The following MARCHF11 variants were observed in gnomAD, a reference collection of about 807,000 sequenced individuals.
MARCHF11 encodes membrane associated ring-CH-type finger 11.
MARCHF11 carries 29 observed loss-of-function variants against 37.3 expected under a neutral mutation model. The observed-to-expected ratio is 0.78, with a 90% CI of 0.58 to 1.06. The LOEUF is 1.06. MARCHF11 is among the 50% of genes least tolerant of loss of function. The pLI is 0.00. For synonymous variants in MARCHF11, 233 were observed against 228.0 expected (o/e 1.02, Z -0.20); for missense variants, 482 against 533.4 (o/e 0.90, Z 0.95).
At chr5:16,169,922 C>G (rs1027311082) in intron 2 of MARCHF11, among the ~76,000 whole-genome samples, 3 of 152,094 alleles carry the variant, frequency 2.0e-5, no homozygotes, top group Admixed American at 2.0e-4. Context: ...TTCCTTTATA[C>G]CAATCCCTTT....
chr5:16,132,069 G>A (rs1302541386), intron 2 of MARCHF11, among the ~76,000 whole-genome samples: 1 of 152,238 alleles, frequency 6.6e-6, no homozygotes, highest in Admixed American at 6.5e-5. Context: ...CATGGCAAGG[G>A]CTCAGAGCAT....
chr5:16,129,510 A>G (rs1458943546), intron 2 of MARCHF11, among the ~76,000 whole-genome samples: 2 of 152,214 alleles, frequency 1.3e-5, no homozygotes, highest in East Asian at 1.9e-4. Flanking sequence ...ATTGTTTTAT[A>G]TTGAATTAGC....
Position 16,176,181 on chromosome 5 carries a change from C to T in MARCHF11, c.693+1545G>A, listed in dbSNP as rs533107749. ...CTCTATTTACTTCAAAATTAATCAT[C>T]CTAAATGAATTAACATATAGTTGCC... On this transcript the variant is annotated intron_variant, in intron 2 of 3. Coordinates refer to ENST00000332432, the MANE Select transcript of MARCHF11 (RefSeq NM_001102562.3). 4.0e-5 allele frequency among the ~76,000 whole-genome samples: 6 copies of T among 151,730 alleles called. No homozygotes were observed. In the South Asian group the frequency reaches 1.3e-3, roughly 32 times the overall value.
chr5:16,116,831 G>A (rs1302896501), intron 2 of MARCHF11, among the ~76,000 whole-genome samples: 2 of 152,180 alleles, frequency 1.3e-5, no homozygotes, highest in African/African-American at 4.8e-5. Context: ...AATAGAAGTT[G>A]CTTTCTCTGA....
At chr5:16,080,296 T>C (rs1736585945) in intron 3 of MARCHF11, among the ~76,000 whole-genome samples, 1 of 152,014 alleles carries the variant, frequency 6.6e-6, no homozygotes, top group Non-Finnish European at 1.5e-5. Flanking sequence ...CTCCTAGAAG[T>C]TCCCTCCTCC....
chr5:16,158,549 A>T (rs1406591683), intron 2 of MARCHF11, among the ~76,000 whole-genome samples: 3 of 151,970 alleles, frequency 2.0e-5, no homozygotes, highest in African/African-American at 7.2e-5. Flanking sequence ...AGTCAAACAC[A>T]TGAAGCAGAG....
chr5:16,086,761 C>T (rs1351876413), intron 3 of MARCHF11, among the ~76,000 whole-genome samples: 2 of 152,214 alleles, frequency 1.3e-5, no homozygotes, highest in Non-Finnish European at 2.9e-5. Context: ...TCACATGGCC[C>T]TCTTCTGGTC....
intron 2 of MARCHF11, among the ~76,000 whole-genome samples, chr5:16,114,781 T>C (rs1737203085): frequency 6.6e-6 from 1 of 152,102 alleles, no homozygotes; most frequent in Admixed American, 6.5e-5. Flanking sequence ...TCAGCCATCA[T>C]GCCTGGCCAG....
At chr5:16,095,551 A>T (rs1219877314) in intron 2 of MARCHF11, among the ~76,000 whole-genome samples, 1 of 151,920 alleles carries the variant, frequency 6.6e-6, no homozygotes, top group Non-Finnish European at 1.5e-5. Flanking sequence ...TATTCTCCCA[A>T]ATGCACTGTT....
chr5:16,086,771 C>T (rs1736705340), intron 3 of MARCHF11, among the ~76,000 whole-genome samples: 1 of 152,168 alleles, frequency 6.6e-6, no homozygotes, highest in African/African-American at 2.4e-5. Flanking sequence ...CTCTTCTGGT[C>T]CCTCAAACTT....
chr5:16,150,483 T>A (rs1183463812), intron 2 of MARCHF11, among the ~76,000 whole-genome samples: 1 of 149,708 alleles, frequency 6.7e-6, no homozygotes, highest in Non-Finnish European at 1.5e-5. Flanking sequence ...GCATTGTCTC[T>A]GTGAGTGGGA....
At position 16,177,764 on chromosome 5, in the gene MARCHF11, A is replaced by G; in HGVS notation, c.655T>C (p.Tyr219His). Residue 219 changes from tyrosine to histidine, a missense_variant, in exon 2 of 4, where the codon TAC becomes CAC. Coordinates refer to ENST00000332432, the MANE Select transcript of MARCHF11 (RefSeq NM_001102562.3). ...SWTCELCCYR[Y>H]HVIAIKMKQP... ...TTCATTTTAATGGCTATAACATGGT[A>G]TCTATAACAGCAAAGTTCACAGGTC... 6.2e-7 allele frequency: 1 copy of G among 1,613,544 alleles called. No homozygotes were observed. The highest frequency in any genetic ancestry group is 8.5e-7 in the Non-Finnish European group (1 of 1,179,742).
chr5:16,107,562 CAG>C (rs1737064451), intron 2 of MARCHF11, among the ~76,000 whole-genome samples: 2 of 152,032 alleles, frequency 1.3e-5, no homozygotes, highest in Admixed American at 6.5e-5. Flanking sequence ...AGACAGGAGA[CAG>C]GGAAATACTG....
intron 2 of MARCHF11, among the ~76,000 whole-genome samples, chr5:16,128,230 G>A (rs755251810): frequency 1.3e-5 from 2 of 152,156 alleles, no homozygotes; most frequent in Non-Finnish European, 2.9e-5. Context: ...ACAAGAAAAG[G>A]CAGATATCCT....
intron 3 of MARCHF11, among the ~76,000 whole-genome samples, chr5:16,084,138 C>T (rs537651503): frequency 3.9e-5 from 6 of 152,276 alleles, no homozygotes; most frequent in African/African-American, 1.4e-4. Context: ...ATTACCCTCA[C>T]TTTAAAAAAT....
intron 2 of MARCHF11, among the ~76,000 whole-genome samples, chr5:16,102,567 G>T (rs1321864104): frequency 3.3e-5 from 5 of 152,174 alleles, no homozygotes; most frequent in African/African-American, 1.2e-4. Context: ...GGCCAGAGGA[G>T]AGTTCAGCCA....
chr5:16,131,468 T>C (rs1737513767), intron 2 of MARCHF11, among the ~76,000 whole-genome samples: 1 of 152,318 alleles, frequency 6.6e-6, no homozygotes, highest in Middle Eastern at 3.4e-3. Flanking sequence ...ATGTGGACCT[T>C]GGTATTAGAA....
At chr5:16,153,919 C>T (rs1737927880) in intron 2 of MARCHF11, among the ~76,000 whole-genome samples, 1 of 151,884 alleles carries the variant, frequency 6.6e-6, no homozygotes, top group Non-Finnish European at 1.5e-5. Context: ...TCTTTTTCCT[C>T]ACTCCATGGG....
At chr5:16,158,409 A>G (rs1205981168) in intron 2 of MARCHF11, among the ~76,000 whole-genome samples, 1 of 152,000 alleles carries the variant, frequency 6.6e-6, no homozygotes, top group African/African-American at 2.4e-5. Flanking sequence ...AAAATGTGGC[A>G]TCTATGCATA....
Sources: gnomAD v4.1 joint callset for allele counts (sites outside exome capture counted in the v4.1 genomes callset) on GRCh38, gnomAD v4.1.1 for gene constraint, MANE v1.5 for transcripts, NCBI Gene and HGNC (gene_info 2026-07-23, HGNC 2026-07-21) for gene names.